AFF1: variants seen among roughly 807,000 people sequenced by gnomAD.
AFF1 encodes the protein ALF transcription elongation factor 1, also known as AF4/FMR2 family member 1.
In AFF1, 48 loss-of-function variants were observed where a neutral mutation model predicts 121.7. The observed-to-expected ratio is 0.39, with a 90% CI of 0.31 to 0.50. AFF1 has a LOEUF of 0.50. AFF1 is among the 20% of genes least tolerant of loss of function. The probability of loss-of-function intolerance (pLI) is 0.76; values close to 1 mark genes in which losing one functional copy is unlikely to be tolerated. For missense variants in AFF1, 1,523 were observed against 1,511.7 expected (o/e 1.01, Z -0.12); for synonymous variants, 613 against 563.0 (o/e 1.09, Z -1.26).
At chr4:86,956,679 T>C (rs1245249368) in intron 2 of AFF1, among the ~76,000 whole-genome samples, 1 of 152,226 alleles carries the variant, frequency 6.6e-6, no homozygotes, top group Non-Finnish European at 1.5e-5. Flanking sequence ...TCATACAATA[T>C]GTTAATTTTT....
rs957518308 is a variant in AFF1 at position 87,139,332 on chromosome 4, G to A, written c.*3631G>A. 8.2e-5 allele frequency: 19 copies of A among 232,778 alleles called. No individual in the cohort carries two copies. Among genetic ancestry groups the A allele is most frequent in the Admixed American group, 6.8e-4 (12 of 17,742 alleles). The allele number at this position is 232,778 out of a possible 1,614,324, so 14.4% of individuals were successfully genotyped here. On this transcript the variant is annotated 3_prime_UTR_variant, in exon 21 of 21. Transcript: ENST00000395146. ...GGTTGAGGCTTGAGGCTGGGCTTTC[G>A]GGTTTTTTTGTTTTTTGTTTTGTTT...
intron 1 of AFF1, 68 bp from the exon 2 acceptor site, chr4:86,948,430 A>AG: frequency 9.8e-7 from 1 of 1,021,246 alleles, no homozygotes; most frequent in Non-Finnish European, 1.4e-6. Flanking sequence ...AGCTTCTTAC[A>AG]GGTCATGCGT....
intron 12 of AFF1, among the ~76,000 whole-genome samples, chr4:87,120,963 A>G (rs1727628795): frequency 6.6e-6 from 1 of 152,152 alleles, no homozygotes; most frequent in Admixed American, 6.5e-5. Flanking sequence ...TTGCAAGCCC[A>G]TGTCTTCCTT....
chr4:87,047,613 C>T lies in AFF1; in HGVS notation c.1059+19C>T. 6.2e-7 allele frequency: 1 copy of T among 1,613,848 alleles called. No individual in the cohort carries two copies. The highest frequency in any genetic ancestry group is 8.5e-7 in the Non-Finnish European group (1 of 1,179,888). ...AGTTGAGGTGTGTGGAATTTCTTAT[C>T]TTGGGGAATTCCAATTCGAAGACGG... On this transcript the variant is annotated intron_variant, in intron 4 of 20. Transcript: ENST00000395146.
At chr4:87,065,523 A>AAG (rs398107605) in intron 4 of AFF1, among the ~76,000 whole-genome samples, 1 of 151,424 alleles carries the variant, frequency 6.6e-6, no homozygotes, top group African/African-American at 2.4e-5. Context: ...AAAAAAAAAA[A>AAG]GTGAGTTGAT....
At chr4:87,071,997 T>A (rs1168365878) in intron 4 of AFF1, among the ~76,000 whole-genome samples, 1 of 152,056 alleles carries the variant, frequency 6.6e-6, no homozygotes, top group African/African-American at 2.4e-5. Context: ...TGTGTGTCGG[T>A]GTGTGAAGTC....
chr4:86,982,388 CTTTTTTTTTT>C (rs70953632), intron 2 of AFF1, among the ~76,000 whole-genome samples: 14 of 58,596 alleles, frequency 2.4e-4, no homozygotes, highest in South Asian at 1.1e-3. Context: ...AAAAAATTGG[CTTTTTTTTTT>C]TTTTTTTTTT....
chr4:87,132,968 C>T (rs969048811), intron 19 of AFF1, among the ~76,000 whole-genome samples: 2 of 152,182 alleles, frequency 1.3e-5, no homozygotes, highest in African/African-American at 4.8e-5. Flanking sequence ...TGCGGGGATG[C>T]CACAGGCGTG....
chr4:87,062,128 T>A (rs1408008140), intron 4 of AFF1, among the ~76,000 whole-genome samples: 1 of 152,220 alleles, frequency 6.6e-6, no homozygotes, highest in Admixed American at 6.5e-5. Flanking sequence ...AGAAAATGGA[T>A]AATTATCTTA....
chr4:86,977,892 A>G (rs971549302), intron 2 of AFF1, among the ~76,000 whole-genome samples: 1 of 152,112 alleles, frequency 6.6e-6, no homozygotes, highest in Admixed American at 6.6e-5. Context: ...TCTTTGTTTC[A>G]CACACCAAGT....
chr4:86,958,469 G>A (rs1721915417), intron 2 of AFF1, among the ~76,000 whole-genome samples: 1 of 151,752 alleles, frequency 6.6e-6, no homozygotes, highest in Non-Finnish European at 1.5e-5. Context: ...TGTAATTCCA[G>A]CATTTTGGGA....
chr4:87,025,422 C>G (rs1393962768), intron 2 of AFF1, among the ~76,000 whole-genome samples: 1 of 152,212 alleles, frequency 6.6e-6, no homozygotes, highest in Non-Finnish European at 1.5e-5. Context: ...GTGACAGCAT[C>G]TCAGACGTGC....
At chr4:87,006,178 G>T (rs905605503) in intron 2 of AFF1, among the ~76,000 whole-genome samples, 1 of 152,154 alleles carries the variant, frequency 6.6e-6, no homozygotes, top group African/African-American at 2.4e-5. Flanking sequence ...CATGATTCTA[G>T]GTAGAAGAAC....
chr4:86,960,534 GA>G (rs1455366262), intron 2 of AFF1, among the ~76,000 whole-genome samples: 1 of 152,200 alleles, frequency 6.6e-6, no homozygotes, highest in African/African-American at 2.4e-5. Flanking sequence ...AGTGGTTTTA[GA>G]GTTTAAAGAT....
rs1413086591 is a variant in AFF1, at chr4:87,114,929, A to G, written c.2096A>G (p.Asn699Ser). The change falls in exon 12 of 21, where the codon AAT becomes AGT. Residue 699 changes from asparagine (N) to serine (S), a missense_variant. Asn to Ser is a conservative substitution (Grantham distance 46). This residue lies in a region of AFF1 where 905 missense variants were observed against 842.5 expected (regional missense o/e 1.07). Coordinates refer to ENST00000395146, the MANE Select transcript of AFF1 (RefSeq NM_001166693.3). ...ALSGPEPAKD[N>S]VEDRTPEHFA... ...TCAGGCCCAGAACCCGCGAAGGACA[A>G]TGTGGAGGACAGGACCCCTGAGCAC... The G allele has an allele frequency of 1.2e-6, 2 of 1,612,590 alleles. No individual in the cohort carries two copies. The highest frequency in any genetic ancestry group is 1.7e-6 in the Non-Finnish European group (2 of 1,179,346).
intron 2 of AFF1, among the ~76,000 whole-genome samples, chr4:86,968,027 A>C (rs75172154): frequency 0.039 from 5,915 of 152,266 alleles, 194 homozygotes; most frequent in African/African-American, 0.092. Context: ...AAGGAGGTTG[A>C]GATGGAGCTG....
intron 2 of AFF1, among the ~76,000 whole-genome samples, chr4:86,950,323 C>G (rs907743020): frequency 6.6e-6 from 1 of 152,190 alleles, no homozygotes; most frequent in African/African-American, 2.4e-5. Context: ...GGACTACAGG[C>G]GCATGCCCCG....
chr4:87,028,235 A>G (rs1055516019), intron 2 of AFF1, among the ~76,000 whole-genome samples: 2 of 152,100 alleles, frequency 1.3e-5, no homozygotes, highest in African/African-American at 4.8e-5. Flanking sequence ...TACTTCTTAT[A>G]TAAGTTGTGG....
chr4:86,978,769 C>T (rs6815546), intron 2 of AFF1, among the ~76,000 whole-genome samples: 3 of 152,134 alleles, frequency 2.0e-5, no homozygotes, highest in Non-Finnish European at 2.9e-5. Flanking sequence ...ATCAGTGTTG[C>T]GTATTATGTT....
Sources: allele counts gnomAD v4.1 joint callset (sites outside exome capture counted in the v4.1 genomes callset), GRCh38; gene constraint gnomAD v4.1.1; regional missense constraint gnomAD v4.1.1; transcripts MANE v1.5; gene names NCBI Gene and HGNC (gene_info 2026-07-23, HGNC 2026-07-21).